SGMS1: variants seen among roughly 807,000 people sequenced by gnomAD.
SGMS1 encodes phosphatidylcholine:ceramide cholinephosphotransferase 1.
In SGMS1, 13 loss-of-function variants were observed where a neutral mutation model predicts 46.2. That is an observed-to-expected ratio of 0.28 (90% CI 0.18 to 0.45). The LOEUF (loss-of-function observed/expected upper bound fraction) is 0.45, where lower values mean the gene tolerates loss of function less well. SGMS1 is among the 20% of genes least tolerant of loss of function. SGMS1 has a pLI of 1.00. For missense variants in SGMS1, 324 were observed against 519.9 expected (o/e 0.62, Z 3.66); for synonymous variants, 203 against 187.8 (o/e 1.08, Z -0.66).
chr10:50,419,873 A>G (rs1251054446), intron 6 of SGMS1, among the ~76,000 whole-genome samples: 1 of 152,242 alleles, frequency 6.6e-6, no homozygotes, highest in Non-Finnish European at 1.5e-5. Context: ...GAAAATACTC[A>G]TTAGCCAAAG....
intron 2 of SGMS1, among the ~76,000 whole-genome samples, chr10:50,589,271 T>A (rs1246331181): frequency 3.3e-5 from 5 of 152,180 alleles, no homozygotes; most frequent in African/African-American, 1.2e-4. Flanking sequence ...TCTCCGTGTG[T>A]GTGAGAGAGA....
rs558267073 is a variant in SGMS1 at position 50,388,556 on chromosome 10, C to T, written c.-231-44211G>A. Among the ~76,000 whole-genome samples the T allele has an allele frequency of 7.7e-4, 116 of 150,982 alleles. No individual in the cohort carries two copies. In the East Asian group the frequency reaches 8.1e-3, roughly 11 times the overall value. Reference sequence around the variant, plus strand: ...GATACTCAGGAGGCAGAGGCTGCAGCGAGCTAAGTTCGCACCACTGCACTC... The same window carrying T: ...GATACTCAGGAGGCAGAGGCTGCAGTGAGCTAAGTTCGCACCACTGCACTC... On this transcript the variant is annotated intron_variant, in intron 6 of 10. Transcript: ENST00000361781.
intron 3 of SGMS1, among the ~76,000 whole-genome samples, chr10:50,491,055 AAGC>A (rs1837563879): frequency 6.6e-6 from 1 of 152,230 alleles, no homozygotes; most frequent in Admixed American, 6.5e-5. Flanking sequence ...AAGAAAAAAA[AAGC>A]AGCAGCAGCC....
At chr10:50,535,724 AG>A in intron 2 of SGMS1, among the ~76,000 whole-genome samples, 1 of 152,134 alleles carries the variant, frequency 6.6e-6, no homozygotes, top group Non-Finnish European at 1.5e-5. Flanking sequence ...CACAGGATCT[AG>A]GTGTTAAGAT....
intron 6 of SGMS1, among the ~76,000 whole-genome samples, chr10:50,389,610 C>T (rs1848734599): frequency 1.3e-5 from 2 of 152,190 alleles, no homozygotes; most frequent in Admixed American, 6.5e-5. Context: ...TCTCCTCTTC[C>T]TGGCCATCCC....
intron 2 of SGMS1, among the ~76,000 whole-genome samples, chr10:50,577,693 A>G (rs1838397697): frequency 6.6e-6 from 1 of 152,242 alleles, no homozygotes. Context: ...TCATAGAGTA[A>G]TAACAGGCCA....
At chr10:50,489,611 G>A in intron 3 of SGMS1, among the ~76,000 whole-genome samples, 1 of 152,172 alleles carries the variant, frequency 6.6e-6, no homozygotes, top group East Asian at 1.9e-4. Flanking sequence ...GTTCCATGGT[G>A]TGCTGTTTCA....
At chr10:50,476,294 A>AGGGAG in intron 3 of SGMS1, among the ~76,000 whole-genome samples, 1 of 28,038 alleles carries the variant, frequency 3.6e-5, no homozygotes, top group African/African-American at 1.6e-4. Context: ...AGGGAAGGGA[A>AGGGAG]GGGAGGGGAG....
intron 6 of SGMS1, among the ~76,000 whole-genome samples, chr10:50,359,915 C>T (rs1465658778): frequency 1.3e-5 from 2 of 152,086 alleles, no homozygotes. Flanking sequence ...TTAACCCTTA[C>T]CTCTGGGTAA....
intron 6 of SGMS1, among the ~76,000 whole-genome samples, chr10:50,371,447 T>C (rs1351173144): frequency 3.3e-5 from 5 of 152,244 alleles, no homozygotes; most frequent in South Asian, 4.1e-4. Context: ...CTTTGAATTA[T>C]TGCAGTAACT....
rs571168759 is a variant in SGMS1, at chr10:50,528,853, A to C, written c.-588-8932T>G. Among the ~76,000 whole-genome samples the C allele has an allele frequency of 1.3e-4, 19 of 148,006 alleles. No homozygotes were observed. The South Asian group carries it at 3.6e-3, about 28-fold the overall frequency. On this transcript the variant is annotated intron_variant, in intron 2 of 10. Transcript: ENST00000361781. ...ACCCTTCTTCCAAAAAGAGAAGAAG[A>C]AGCCTAAATCACTGACTGGGAGGTT...
At chr10:50,592,029 G>C (rs146247961) in intron 1 of SGMS1, among the ~76,000 whole-genome samples, 1 of 152,330 alleles carries the variant, frequency 6.6e-6, no homozygotes, top group African/African-American at 2.4e-5. Flanking sequence ...AAAATGGAGA[G>C]AACCTCTTCC....
intron 6 of SGMS1, among the ~76,000 whole-genome samples, chr10:50,372,453 G>C (rs536814435): frequency 1.3e-5 from 2 of 152,286 alleles, no homozygotes; most frequent in South Asian, 4.1e-4. Context: ...CCAGCACTTT[G>C]GGAGGCCGGG....
intron 6 of SGMS1, among the ~76,000 whole-genome samples, chr10:50,381,003 T>G (rs1481134023): frequency 2.0e-5 from 3 of 151,340 alleles, no homozygotes; most frequent in Non-Finnish European, 4.4e-5. Flanking sequence ...GCTTTTTTTT[T>G]TTTTTTTCCC....
intron 8 of SGMS1, 29 bp downstream of exon 8, chr10:50,327,176 A>G: frequency 7.2e-7 from 1 of 1,379,904 alleles, no homozygotes; most frequent in African/African-American, 1.4e-5. Context: ...AACAAACAGA[A>G]AGCGAAATTA....
At chr10:50,464,902 C>T (rs10826034) in intron 4 of SGMS1, among the ~76,000 whole-genome samples, 36,722 of 152,064 alleles carry the variant, frequency 0.24, 4,652 homozygotes, top group East Asian at 0.32. Context: ...ACAAACCATC[C>T]CTACTCCTAT....
At chr10:50,426,742 T>G (rs1849331325) in intron 6 of SGMS1, among the ~76,000 whole-genome samples, 1 of 152,192 alleles carries the variant, frequency 6.6e-6, no homozygotes, top group East Asian at 1.9e-4. Flanking sequence ...TGGCTTGACA[T>G]AGAAACCACT....
chr10:50,478,388 T>G (rs974430836), intron 3 of SGMS1, among the ~76,000 whole-genome samples: 2 of 152,210 alleles, frequency 1.3e-5, no homozygotes, highest in African/African-American at 4.8e-5. Context: ...ACACATGTAT[T>G]TGTAAGCAAA....
At chr10:50,426,739 A>G (rs1212071910) in intron 6 of SGMS1, among the ~76,000 whole-genome samples, 3 of 152,240 alleles carry the variant, frequency 2.0e-5, no homozygotes, top group East Asian at 3.8e-4. Flanking sequence ...CATTGGCTTG[A>G]CATAGAAACC....
Sources: allele counts gnomAD v4.1 joint callset (sites outside exome capture counted in the v4.1 genomes callset), GRCh38; gene constraint gnomAD v4.1.1; transcripts MANE v1.5; gene names NCBI Gene and HGNC (gene_info 2026-07-23, HGNC 2026-07-21).